The following STAU2 variants were observed in gnomAD, a reference collection of about 807,000 sequenced individuals.
STAU2 encodes staufen double-stranded RNA binding protein 2.
Under a neutral mutation model 65.9 loss-of-function variants are expected in STAU2, and 20 were observed. The observed-to-expected ratio is 0.30, with a 90% CI of 0.21 to 0.44. The LOEUF (loss-of-function observed/expected upper bound fraction) is 0.44, where lower values mean the gene tolerates loss of function less well. Ranked by LOEUF, STAU2 falls within the 20% of genes least tolerant of loss-of-function variation. The pLI, the probability that STAU2 is intolerant of heterozygous loss-of-function variation, is 1.00. For missense variants in STAU2, 558 were observed against 683.9 expected, an observed-to-expected ratio of 0.82 and a Z score of 2.05; for synonymous variants, 232 against 233.9, an observed-to-expected ratio of 0.99 and a Z score of 0.07.
chr8:73,607,993 T>C (rs925196328), intron 9 of STAU2, among the ~76,000 whole-genome samples: 2 of 152,152 alleles, frequency 1.3e-5, no homozygotes. Context: ...TCCGGATGAT[T>C]GCTGCCATTT....
At chr8:73,594,051 T>G (rs1348627472) in intron 11 of STAU2, among the ~76,000 whole-genome samples, 1 of 152,192 alleles carries the variant, frequency 6.6e-6, no homozygotes, top group Non-Finnish European at 1.5e-5. Context: ...GTGAGGAGAT[T>G]TATTTTGACA....
intron 13 of STAU2, among the ~76,000 whole-genome samples, chr8:73,537,061 T>C (rs1390454331): frequency 6.6e-6 from 1 of 152,166 alleles, no homozygotes; most frequent in African/African-American, 2.4e-5. Flanking sequence ...TTGAAACAGA[T>C]TTTAAAAAAT....
intron 10 of STAU2, among the ~76,000 whole-genome samples, chr8:73,600,583 T>A (rs1370321830): frequency 6.6e-6 from 1 of 152,208 alleles, no homozygotes; most frequent in African/African-American, 2.4e-5. Flanking sequence ...CTTTGTTTGT[T>A]CCCCCAGCTT....
chr8:73,590,113 A>G (rs1375123495), intron 11 of STAU2, among the ~76,000 whole-genome samples: 1 of 151,584 alleles, frequency 6.6e-6, no homozygotes, highest in Non-Finnish European at 1.5e-5. Context: ...GTAGGAGGAG[A>G]AGAAAAAACG....
chr8:73,477,287 C>T (rs1214026701), intron 13 of STAU2, among the ~76,000 whole-genome samples: 3 of 152,138 alleles, frequency 2.0e-5, no homozygotes, highest in African/African-American at 7.2e-5. Context: ...AAAAGCAATG[C>T]TTTACACACC....
chr8:73,427,385 C>T (rs941480877), intron 13 of STAU2, among the ~76,000 whole-genome samples: 3 of 152,132 alleles, frequency 2.0e-5, no homozygotes, highest in African/African-American at 7.2e-5. Flanking sequence ...TTTGGCCCCA[C>T]CTTATTTTAA....
At chr8:73,688,524 G>C (rs1378704155) in intron 5 of STAU2, 130 bp downstream of exon 5, 2 of 764,656 alleles carry the variant, frequency 2.6e-6, no homozygotes, top group Non-Finnish European at 4.3e-6. Context: ...GTGTGTGTGT[G>C]TGTGTGTAGG....
intron 4 of STAU2, among the ~76,000 whole-genome samples, chr8:73,690,433 A>T (rs1418038042): frequency 6.6e-6 from 1 of 152,118 alleles, no homozygotes; most frequent in East Asian, 1.9e-4. Context: ...AAAAAGCTGT[A>T]AAGGACATTC....
intron 4 of STAU2, among the ~76,000 whole-genome samples, chr8:73,689,802 C>T (rs1238829454): frequency 1.3e-5 from 2 of 152,092 alleles, no homozygotes; most frequent in African/African-American, 4.8e-5. Context: ...AAGTTAGCAT[C>T]ACCAATAATC....
At chr8:73,443,291 C>A (rs1034670782) in intron 13 of STAU2, among the ~76,000 whole-genome samples, 1 of 152,092 alleles carries the variant, frequency 6.6e-6, no homozygotes, top group Non-Finnish European at 1.5e-5. Flanking sequence ...TGCTGGAAGT[C>A]GGAGGGAGAA....
chr8:73,546,311 T>TCAAC (rs1200282593), intron 13 of STAU2, among the ~76,000 whole-genome samples: 62 of 152,066 alleles, frequency 4.1e-4, no homozygotes, highest in African/African-American at 1.5e-3. Context: ...GTATATATAG[T>TCAAC]TGAGGGCAGA....
At chr8:73,599,958 C>T (rs6982346) in intron 10 of STAU2, among the ~76,000 whole-genome samples, 23,258 of 151,920 alleles carry the variant, frequency 0.15, 1,815 homozygotes, top group African/African-American at 0.17. Flanking sequence ...TTAGTAGAGA[C>T]GGGGTTTCAC....
chr8:73,558,779 A>G (rs1369399348), intron 12 of STAU2, among the ~76,000 whole-genome samples: 1 of 149,764 alleles, frequency 6.7e-6, no homozygotes, highest in Non-Finnish European at 1.5e-5. Context: ...TTTCACAACA[A>G]ATAATTTCTT....
At chr8:73,714,767 A>G (rs1275065253) in intron 3 of STAU2, among the ~76,000 whole-genome samples, 2 of 152,106 alleles carry the variant, frequency 1.3e-5, no homozygotes, top group African/African-American at 4.8e-5. Context: ...TACTTTTTGT[A>G]TACAGAAGAA....
intron 13 of STAU2, among the ~76,000 whole-genome samples, chr8:73,514,397 C>T (rs1440442854): frequency 2.0e-5 from 3 of 152,192 alleles, no homozygotes; most frequent in Non-Finnish European, 4.4e-5. Context: ...CTCTTTGTTG[C>T]AAAGAACATA....
At chr8:73,660,534 G>A (rs948310671) in intron 6 of STAU2, among the ~76,000 whole-genome samples, 3 of 152,204 alleles carry the variant, frequency 2.0e-5, no homozygotes, top group Non-Finnish European at 2.9e-5. Flanking sequence ...GTATTACCAA[G>A]TTATTAGTAC....
intron 12 of STAU2, among the ~76,000 whole-genome samples, chr8:73,555,643 A>G (rs1226062433): frequency 6.7e-6 from 1 of 149,746 alleles, no homozygotes; most frequent in Non-Finnish European, 1.5e-5. Context: ...CAATATAATA[A>G]CTATTTACAT....
At chr8:73,577,171 GTAA>G (rs1159696793) in intron 12 of STAU2, among the ~76,000 whole-genome samples, 1 of 152,120 alleles carries the variant, frequency 6.6e-6, no homozygotes, top group Non-Finnish European at 1.5e-5. Context: ...GCTCACGCCT[GTAA>G]TCCCAGCACT....
At chr8:73,525,867 T>C (rs546620743) in intron 13 of STAU2, among the ~76,000 whole-genome samples, 1 of 152,346 alleles carries the variant, frequency 6.6e-6, no homozygotes, top group East Asian at 1.9e-4. Flanking sequence ...TGCTAGACTG[T>C]AAGCTCCATG....
Sources: allele counts gnomAD v4.1 joint callset (sites outside exome capture counted in the v4.1 genomes callset), GRCh38; gene constraint gnomAD v4.1.1; transcripts MANE v1.5; gene names NCBI Gene and HGNC (gene_info 2026-07-23, HGNC 2026-07-21).